The following FARP1 variants were observed in gnomAD, a reference collection of about 807,000 sequenced individuals.
FARP1 encodes the protein FERM, ARHGEF and pleckstrin domain-containing protein 1.
Under a neutral mutation model 128.8 loss-of-function variants are expected in FARP1, and 52 were observed. The ratio of observed to expected loss-of-function variants is 0.40; its 90% CI spans 0.32 to 0.51. The LOEUF is 0.51. FARP1 is among the 20% of genes least tolerant of loss of function. The pLI is 0.45. For synonymous variants in FARP1, 580 were observed against 551.8 expected (o/e 1.05, Z -0.72); for missense variants, 1,333 against 1,367.9 (o/e 0.97, Z 0.40).
intron 10 of FARP1, 126 bp downstream of exon 10, chr13:98,390,246 GC>G (rs1890257621): frequency 9.8e-7 from 1 of 1,021,912 alleles, no homozygotes; most frequent in African/African-American, 1.6e-5. Context: ...CTATGGCCAA[GC>G]GGGGGCGCTT....
chr13:98,380,643 G>C (rs1307525623), intron 6 of FARP1, among the ~76,000 whole-genome samples: 1 of 151,882 alleles, frequency 6.6e-6, no homozygotes, highest in African/African-American at 2.4e-5. Context: ...TCTCAATCAT[G>C]GCTCACTGCA....
chr13:98,251,894 AG>A (rs533755827), intron 2 of FARP1, among the ~76,000 whole-genome samples: 59 of 152,290 alleles, frequency 3.9e-4, no homozygotes, highest in Middle Eastern at 6.8e-3. Flanking sequence ...TCTGTTGCCC[AG>A]GGTGTGCAGT....
chr13:98,334,979 C>G (rs1193426460), intron 2 of FARP1, among the ~76,000 whole-genome samples: 1 of 152,234 alleles, frequency 6.6e-6, no homozygotes, highest in African/African-American at 2.4e-5. Flanking sequence ...ACTAAGTCAT[C>G]ACGTTTCCAT....
intron 1 of FARP1, among the ~76,000 whole-genome samples, chr13:98,157,871 C>T (rs1348511568): frequency 1.3e-5 from 2 of 152,192 alleles, no homozygotes; most frequent in Non-Finnish European, 2.9e-5. Context: ...TGGTAAACAT[C>T]GTCACAAATT....
intron 1 of FARP1, among the ~76,000 whole-genome samples, chr13:98,203,215 C>G (rs546760448): frequency 6.6e-6 from 1 of 152,178 alleles, no homozygotes; most frequent in Non-Finnish European, 1.5e-5. Context: ...CAGGAATATT[C>G]ACGGACACAT....
intron 2 of FARP1, among the ~76,000 whole-genome samples, chr13:98,315,997 C>T (rs1210913903): frequency 6.6e-6 from 1 of 152,192 alleles, no homozygotes; most frequent in Admixed American, 6.5e-5. Flanking sequence ...CCAACAGTGA[C>T]ACTGAAGTGC....
intron 2 of FARP1, among the ~76,000 whole-genome samples, chr13:98,270,600 G>A (rs1479616221): frequency 6.6e-6 from 1 of 152,130 alleles, no homozygotes; most frequent in African/African-American, 2.4e-5. Context: ...TCTGTGTGCA[G>A]GAAACCGATG....
At chr13:98,143,623 C>T (rs2139057762) in intron 1 of FARP1, 131 bp downstream of exon 1, 1 of 151,012 alleles carries the variant, frequency 6.6e-6, no homozygotes, top group African/African-American at 2.4e-5. Flanking sequence ...AAGGTGGGCG[C>T]GTGGTCCCCG....
At chr13:98,208,182 G>T (rs1310386121) in intron 1 of FARP1, among the ~76,000 whole-genome samples, 1 of 152,054 alleles carries the variant, frequency 6.6e-6, no homozygotes, top group Admixed American at 6.6e-5. Flanking sequence ...TAACAGACCT[G>T]TGGAATCAGG....
At chr13:98,310,832 C>G (rs1458754407) in intron 2 of FARP1, among the ~76,000 whole-genome samples, 1 of 152,182 alleles carries the variant, frequency 6.6e-6, no homozygotes, top group Non-Finnish European at 1.5e-5. Context: ...GGAGATGAAT[C>G]TCAATATATC....
At chr13:98,429,873 C>T (rs918264153) in intron 17 of FARP1, among the ~76,000 whole-genome samples, 1 of 152,184 alleles carries the variant, frequency 6.6e-6, no homozygotes, top group African/African-American at 2.4e-5. Context: ...AATTACAAAA[C>T]CTTTCATCAT....
chr13:98,268,951 T>G (rs1220705622), intron 2 of FARP1, among the ~76,000 whole-genome samples: 1 of 152,092 alleles, frequency 6.6e-6, no homozygotes, highest in African/African-American at 2.4e-5. Flanking sequence ...AGGCTGGTCT[T>G]GAACTCCTGG....
intron 8 of FARP1, 86 bp from the exon 9 acceptor site, chr13:98,388,293 TCTTC>T: frequency 1.1e-6 from 1 of 918,656 alleles, no homozygotes. Flanking sequence ...CTGCCAGCCC[TCTTC>T]CTTTAGCTCC....
At chr13:98,303,409 C>T (rs7323338) in intron 2 of FARP1, among the ~76,000 whole-genome samples, 2,961 of 152,254 alleles carry the variant, frequency 0.019, 104 homozygotes, top group African/African-American at 0.068. Flanking sequence ...CTTCAGTAAA[C>T]CTGTTAACAT....
At chr13:98,326,557 A>T (rs1319292884) in intron 2 of FARP1, among the ~76,000 whole-genome samples, 1 of 152,158 alleles carries the variant, frequency 6.6e-6, no homozygotes, top group Non-Finnish European at 1.5e-5. Context: ...TGGTTCCTGC[A>T]TCTCCTCTCC....
intron 2 of FARP1, among the ~76,000 whole-genome samples, chr13:98,249,937 A>G (rs1883243853): frequency 6.6e-6 from 1 of 152,206 alleles, no homozygotes; most frequent in African/African-American, 2.4e-5. Flanking sequence ...GAAATCTTCA[A>G]AATTCATCAG....
At chr13:98,183,940 C>T (rs962646230) in intron 1 of FARP1, among the ~76,000 whole-genome samples, 10 of 152,050 alleles carry the variant, frequency 6.6e-5, no homozygotes, top group African/African-American at 2.4e-4. Flanking sequence ...GGCGGTTGTT[C>T]CCCCAGGCCC....
chr13:98,225,510 A>G (rs1163484424), intron 2 of FARP1, among the ~76,000 whole-genome samples: 6 of 152,184 alleles, frequency 3.9e-5, no homozygotes, highest in Admixed American at 3.9e-4. Flanking sequence ...TCATGAAACC[A>G]AGAGTGTTTC....
At chr13:98,448,210 G>GACTA (rs768076281) in intron 26 of FARP1, 26 bp from the exon 27 acceptor site, 8 of 1,603,078 alleles carry the variant, frequency 5.0e-6, no homozygotes, top group Middle Eastern at 1.7e-4. Flanking sequence ...ACAAAAGGTT[G>GACTA]ACTAACTGGC....
Sources: gnomAD v4.1 joint callset for allele counts (sites outside exome capture counted in the v4.1 genomes callset) on GRCh38, gnomAD v4.1.1 for gene constraint, MANE v1.5 for transcripts, NCBI Gene and HGNC (gene_info 2026-07-23, HGNC 2026-07-21) for gene names.